CRISP3: variants seen among roughly 807,000 people sequenced by gnomAD.
CRISP3 encodes the protein cysteine rich secretory protein 3, also known as cysteine-rich secretory protein 3.
CRISP3 carries 33 observed loss-of-function variants against 36.1 expected under a neutral mutation model. The observed-to-expected ratio is 0.91, with a 90% CI of 0.69 to 1.22. The LOEUF (loss-of-function observed/expected upper bound fraction) is 1.22. Among genes scored for constraint, CRISP3 ranks in the 50% most tolerant of loss-of-function variants. CRISP3 has a pLI of 0.00. For synonymous variants in CRISP3, 117 were observed against 104.6 expected, an observed-to-expected ratio of 1.12 and a Z score of -0.72; for missense variants, 330 against 301.2, an observed-to-expected ratio of 1.10 and a Z score of -0.71.
intron 5 of CRISP3, 46 bp from the exon 6 acceptor site, chr6:49,733,338 G>A (rs773464120): frequency 3.0e-5 from 38 of 1,284,928 alleles, no homozygotes; most frequent in South Asian, 2.3e-4. Context: ...AGAGAAGAAG[G>A]AAATACCAAA....
At chr6:49,735,819 T>C (rs1031354021) in intron 3 of CRISP3, among the ~76,000 whole-genome samples, 1 of 152,200 alleles carries the variant, frequency 6.6e-6, no homozygotes, top group Non-Finnish European at 1.5e-5. Context: ...TCTAGGTTTA[T>C]GGTCCAATTA....
At chr6:49,740,271 T>C (rs1291448346) in intron 1 of CRISP3, among the ~76,000 whole-genome samples, 1 of 152,226 alleles carries the variant, frequency 6.6e-6, no homozygotes, top group Non-Finnish European at 1.5e-5. Context: ...CAAAAACTTC[T>C]ATAGGCATAT....
chr6:49,728,937 A>C, intron 7 of CRISP3, 80 bp from the exon 8 acceptor site: 1 of 1,374,900 alleles, frequency 7.3e-7, no homozygotes, highest in East Asian at 2.4e-5. Flanking sequence ...ATTCTATATG[A>C]ACGGAGAGTA....
In CRISP3 at chr6:49,737,130, C is replaced by T. The variant is rs79980974; in HGVS notation, c.111+195G>A. Among the ~76,000 whole-genome samples, 517 of 151,892 alleles carry T rather than the reference C, an allele frequency of 3.4e-3. 3 individuals are homozygous for T. Among genetic ancestry groups the T allele is most frequent in the African/African-American group, 0.012 (477 of 41,408 alleles). ...TCATTTAATTAATGAACTTCAATAC[C>T]CTCATGTGGCTAGGGGCTACCATAT... On this transcript the variant is annotated intron_variant, in intron 2 of 7. Coordinates refer to ENST00000263045, the MANE Select transcript of CRISP3 (RefSeq NM_006061.4).
chr6:49,729,386 T>C (rs1245648970), intron 7 of CRISP3, among the ~76,000 whole-genome samples: 2 of 152,220 alleles, frequency 1.3e-5, no homozygotes, highest in South Asian at 2.1e-4. Context: ...GCCCCCAGTC[T>C]TTCTCTCAGG....
Position 49,728,838 on chromosome 6 carries a change from T to A in CRISP3, c.669A>T (p.Glu223Asp), listed in dbSNP as rs758539123. 1 of 1,610,420 alleles carries A rather than the reference T, an allele frequency of 6.2e-7. No homozygotes were observed. Among genetic ancestry groups the A allele is most frequent in the South Asian group, 1.1e-5 (1 of 90,088 alleles). The change falls in exon 8 of 8, where the codon GAA (glutamate) becomes GAT (aspartate). Residue 223 changes from glutamate to aspartate, a missense_variant. Coordinates refer to ENST00000263045, the MANE Select transcript of CRISP3 (RefSeq NM_006061.4). The stretch of plus-strand genomic sequence containing the variant: ...AACTTTTACAGTTACTATAGAGATC[T>A]TCGTACTTGCAACCATTGGCTGGAA... Reference protein sequence around the residue: ...DGLCTNGCKYEDLYSNCKSLK... With the variant: ...DGLCTNGCKYDDLYSNCKSLK...
chr6:49,729,008 A>G, intron 7 of CRISP3, 151 bp from the exon 8 acceptor site: 1 of 610,170 alleles, frequency 1.6e-6, no homozygotes, highest in Non-Finnish European at 2.7e-6. Flanking sequence ...ATCTTGAGGG[A>G]CACATAAGGT....
chr6:49,738,775 G>A (rs1434950568), intron 1 of CRISP3, among the ~76,000 whole-genome samples: 1 of 151,870 alleles, frequency 6.6e-6, no homozygotes, highest in Non-Finnish European at 1.5e-5. Context: ...ATATACACTT[G>A]CAAAACCCAT....
intron 1 of CRISP3, 41 bp downstream of exon 1, chr6:49,744,290 A>G (rs1369521042): frequency 1.4e-6 from 2 of 1,406,538 alleles, no homozygotes; most frequent in Non-Finnish European, 1.9e-6. Context: ...TCACCTTGAA[A>G]TAAATAATGT....
intron 1 of CRISP3, among the ~76,000 whole-genome samples, chr6:49,743,200 C>T (rs529698409): frequency 6.6e-6 from 1 of 151,934 alleles, no homozygotes; most frequent in South Asian, 2.1e-4. Context: ...GGATGAATTC[C>T]CTCCCTTTTA....
At chr6:49,733,615 A>C in intron 5 of CRISP3, 88 bp downstream of exon 5, 1 of 1,385,294 alleles carries the variant, frequency 7.2e-7, no homozygotes. Context: ...ATTTTCCCCA[A>C]ATTCAACTTG....
Position 49,735,487 on chromosome 6 carries a change from T to C in CRISP3, c.316+17A>G, listed in dbSNP as rs1403993938. 6.4e-7 allele frequency: 1 copy of C among 1,562,600 alleles called. No individual in the cohort carries two copies. The highest frequency in any genetic ancestry group is 1.7e-5 in the Admixed American group (1 of 57,544). ...TACTTGTTGATTTATTCAACAAATATTTCCTAATTTACATACTTGTCATTC... is the reference window on the plus strand; with the variant it reads ...TACTTGTTGATTTATTCAACAAATACTTCCTAATTTACATACTTGTCATTC... On this transcript the variant is annotated intron_variant, in intron 4 of 7. Coordinates refer to ENST00000263045, the MANE Select transcript of CRISP3 (RefSeq NM_006061.4).
intron 6 of CRISP3, among the ~76,000 whole-genome samples, chr6:49,732,353 T>C (rs1768934260): frequency 6.6e-6 from 1 of 152,220 alleles, no homozygotes; most frequent in South Asian, 2.1e-4. Flanking sequence ...TCACCTGGGA[T>C]ATCTACAGCC....
chr6:49,730,255 A>G (rs1768881056), intron 7 of CRISP3, among the ~76,000 whole-genome samples: 1 of 152,092 alleles, frequency 6.6e-6, no homozygotes, highest in Non-Finnish European at 1.5e-5. Flanking sequence ...ATATAAATTT[A>G]TTTACTCCTT....
In CRISP3 at chr6:49,733,908, A is replaced by G; in HGVS notation, c.317-60T>C. 4.3e-6 allele frequency: 6 copies of G among 1,397,376 alleles called. No individual in the cohort carries two copies. The South Asian group carries it at 7.2e-5, about 17-fold the overall frequency. 86.6% of individuals were successfully genotyped at this position (1,397,376 alleles called of 1,614,324 possible). On this transcript the variant is annotated intron_variant, in intron 4 of 7. Coordinates refer to ENST00000263045, the MANE Select transcript of CRISP3 (RefSeq NM_006061.4). ...TAAAGCATGCAATGGCAAAATACAC[A>G]CAAACACACACACACTACACACAGC...
chr6:49,736,609 G>A (rs1269179422), intron 2 of CRISP3, 102 bp from the exon 3 acceptor site: 2 of 852,016 alleles, frequency 2.3e-6, no homozygotes, highest in African/African-American at 1.7e-5. Flanking sequence ...TTTAAAAAGT[G>A]TTGCCAATGC....
Position 49,729,661 on chromosome 6 carries a change from T to C in CRISP3, c.650-804A>G, listed in dbSNP as rs376233436. On this transcript the variant is annotated intron_variant, in intron 7 of 7. Transcript: ENST00000263045. The stretch of plus-strand genomic sequence containing the variant: ...CAGGATCCAGGAATCAACTGGAACT[T>C]GTTTCTATTTTTTGGTTTTTTTTTG... Among the ~76,000 whole-genome samples the C allele has an allele frequency of 1.1e-3, 164 of 152,306 alleles. 1 individual carries two copies. Among genetic ancestry groups the C allele is most frequent in the Middle Eastern group, 6.8e-3 (2 of 294 alleles).
At position 49,729,033 on chromosome 6, in the gene CRISP3, C is replaced by T. The variant is rs1228427436; in HGVS notation, c.650-176G>A. 3.9e-5 allele frequency among the ~76,000 whole-genome samples: 6 copies of T among 151,964 alleles called. No homozygotes were observed. The East Asian group carries it at 5.8e-4, about 15-fold the overall frequency. On this transcript the variant is annotated intron_variant, in intron 7 of 7. Transcript: ENST00000263045. ...ACACATAAGGTCACTTAGGTAAACA[C>T]GCTGATTCTTTTTTAAATTCGAGCT...
At chr6:49,735,409 A>G in intron 4 of CRISP3, 95 bp downstream of exon 4, 4 of 897,476 alleles carry the variant, frequency 4.5e-6, no homozygotes, top group Non-Finnish European at 7.1e-6. Context: ...ATTAGAAGCA[A>G]TATTTATTTA....
Sources: allele counts gnomAD v4.1 joint callset (sites outside exome capture counted in the v4.1 genomes callset), GRCh38; gene constraint gnomAD v4.1.1; transcripts MANE v1.5; gene names NCBI Gene and HGNC (gene_info 2026-07-23, HGNC 2026-07-21).